Variants in CDH20 observed in about 807,000 individuals in gnomAD.
CDH20 encodes cadherin 20, also known as cadherin-20.
CDH20 carries 29 observed loss-of-function variants against 74.2 expected under a neutral mutation model. The ratio of observed to expected loss-of-function variants is 0.39; its 90% confidence interval spans 0.29 to 0.53. The LOEUF (loss-of-function observed/expected upper bound fraction) is 0.53. Ranked by LOEUF, CDH20 falls within the 20% of genes least tolerant of loss-of-function variation. The pLI is 0.69. For synonymous variants in CDH20, 469 were observed against 405.4 expected (o/e 1.16, Z -1.88); for missense variants, 988 against 1,048.3 (o/e 0.94, Z 0.79).
At chr18:61,553,728 C>T (rs188208350) in intron 11 of CDH20, among the ~76,000 whole-genome samples, 3 of 152,270 alleles carry the variant, frequency 2.0e-5, no homozygotes, top group African/African-American at 7.2e-5. Flanking sequence ...TATTAAGATG[C>T]TAATATACGG....
chr18:61,354,828 A>G (rs957994043), intron 1 of CDH20, among the ~76,000 whole-genome samples: 2 of 152,090 alleles, frequency 1.3e-5, no homozygotes, highest in African/African-American at 4.8e-5. Context: ...ATTCTATTCT[A>G]GGTTTGAGCT....
intron 1 of CDH20, among the ~76,000 whole-genome samples, chr18:61,391,409 A>G (rs1911775655): frequency 6.6e-6 from 1 of 152,208 alleles, no homozygotes; most frequent in South Asian, 2.1e-4. Flanking sequence ...GGCAACTAAT[A>G]TAAAATATCC....
In CDH20 at chr18:61,409,513, G is replaced by A. The variant is rs149359397; in HGVS notation, c.-153+75686G>A. On this transcript the variant is annotated intron_variant, in intron 1 of 11. Coordinates refer to ENST00000262717, the MANE Select transcript of CDH20 (RefSeq NM_031891.4). ...AGTGGCCCAGCCACTTGCCAGCTCT[G>A]TGACCTTAGGCAAGTTGTGTATGTC... is the stretch of plus-strand genomic sequence containing the variant. 3.9e-3 allele frequency among the ~76,000 whole-genome samples: 596 copies of A among 152,286 alleles called. 2 individuals carry two copies. Among genetic ancestry groups the A allele is most frequent in the African/African-American group, 0.014 (562 of 41,560 alleles).
chr18:61,427,567 C>T (rs1913113272), intron 1 of CDH20, among the ~76,000 whole-genome samples: 1 of 152,132 alleles, frequency 6.6e-6, no homozygotes, highest in African/African-American at 2.4e-5. Context: ...CATTTCCTAT[C>T]CTTCATAAAG....
intron 1 of CDH20, among the ~76,000 whole-genome samples, chr18:61,395,365 C>G (rs996608282): frequency 2.0e-5 from 3 of 152,156 alleles, no homozygotes; most frequent in Non-Finnish European, 4.4e-5. Context: ...ACTTGATAAG[C>G]ACTGAATAAA....
intron 1 of CDH20, among the ~76,000 whole-genome samples, chr18:61,474,130 G>A (rs1910284747): frequency 6.6e-6 from 1 of 152,070 alleles, no homozygotes. Context: ...TTCCTCCCCT[G>A]CAGTCTCTTG....
chr18:61,510,758 A>C (rs1911750264), intron 6 of CDH20, among the ~76,000 whole-genome samples: 1 of 152,208 alleles, frequency 6.6e-6, no homozygotes. Context: ...TAATTAAAAT[A>C]CTATAATTTC....
chr18:61,494,058 A>G (rs561945734), intron 2 of CDH20, among the ~76,000 whole-genome samples: 2 of 152,216 alleles, frequency 1.3e-5, no homozygotes, highest in Non-Finnish European at 2.9e-5. Flanking sequence ...TTTAATCATC[A>G]TAACAATGCT....
At chr18:61,529,046 T>C (rs909064230) in intron 7 of CDH20, among the ~76,000 whole-genome samples, 3 of 152,190 alleles carry the variant, frequency 2.0e-5, no homozygotes, top group Non-Finnish European at 4.4e-5. Flanking sequence ...AGATGAGAAC[T>C]GCTCTTACAG....
At chr18:61,546,219 A>C (rs1001452493) in intron 10 of CDH20, among the ~76,000 whole-genome samples, 2 of 152,210 alleles carry the variant, frequency 1.3e-5, no homozygotes, top group Admixed American at 6.5e-5. Flanking sequence ...GGTAACAAAA[A>C]GTCATGATTA....
In CDH20 at chr18:61,395,763, G is replaced by A. The variant is rs368552687; in HGVS notation, c.-153+61936G>A. On this transcript the variant is annotated intron_variant, in intron 1 of 11. Coordinates refer to ENST00000262717, the MANE Select transcript of CDH20 (RefSeq NM_031891.4). Reference sequence around the variant, plus strand: ...AAATTATATGACCTTGGCCAGGCGCGGTGGCTTATGCCTATAATCCCAGCA... The same window carrying A: ...AAATTATATGACCTTGGCCAGGCGCAGTGGCTTATGCCTATAATCCCAGCA... Among the ~76,000 whole-genome samples, 36 of 152,196 alleles carry A rather than the reference G, an allele frequency of 2.4e-4. No homozygotes were observed. In the East Asian group the frequency reaches 5.8e-3, roughly 25 times the overall value.
intron 1 of CDH20, among the ~76,000 whole-genome samples, chr18:61,369,082 A>C (rs570479154): frequency 3.3e-5 from 5 of 152,192 alleles, no homozygotes; most frequent in African/African-American, 1.2e-4. Context: ...GTTCAAACAA[A>C]CCACCAAGAG....
chr18:61,512,916 C>A (rs778668571), intron 6 of CDH20, among the ~76,000 whole-genome samples: 44 of 152,166 alleles, frequency 2.9e-4, no homozygotes, highest in Non-Finnish European at 4.3e-4. Context: ...GAGAGCTTTA[C>A]GGCCAACTAT....
chr18:61,445,849 C>T (rs1401072477), intron 1 of CDH20, among the ~76,000 whole-genome samples: 2 of 152,146 alleles, frequency 1.3e-5, no homozygotes, highest in African/African-American at 4.8e-5. Context: ...TGGGGCTGGT[C>T]AACCCAAGAT....
In CDH20 at chr18:61,490,408, A is replaced by G; in HGVS notation, c.-146A>G. On this transcript the variant is annotated 5_prime_UTR_variant, in exon 2 of 12. Transcript: ENST00000262717. ...GTTTTCCTTAACTTGACAGGAAGTC[A>G]ACTTCAAGCAGATTGACTTGAAACG... 1.3e-6 allele frequency: 1 copy of G among 767,518 alleles called. No homozygotes were observed. The highest frequency in any genetic ancestry group is 2.1e-6 in the Non-Finnish European group (1 of 474,062). 47.5% of individuals were successfully genotyped at this position (767,518 alleles called of 1,614,324 possible).
At chr18:61,538,602 G>GTTTT (rs1227502362) in intron 8 of CDH20, among the ~76,000 whole-genome samples, 2 of 50,450 alleles carry the variant, frequency 4.0e-5, no homozygotes, top group African/African-American at 7.3e-5. Context: ...GTTTGTTTTT[G>GTTTT]TTTTTGTTTT....
intron 1 of CDH20, among the ~76,000 whole-genome samples, chr18:61,458,936 TG>T (rs1909673847): frequency 6.6e-6 from 1 of 152,226 alleles, no homozygotes; most frequent in Admixed American, 6.5e-5. Context: ...CTGCAGTCCT[TG>T]TTTGTATTTA....
chr18:61,447,320 T>G (rs1339781475), intron 1 of CDH20, among the ~76,000 whole-genome samples: 1 of 152,206 alleles, frequency 6.6e-6, no homozygotes, highest in African/African-American at 2.4e-5. Flanking sequence ...GAATTCACAA[T>G]ACTGGAGGCA....
chr18:61,395,098 T>A (rs1236468266), intron 1 of CDH20, among the ~76,000 whole-genome samples: 1 of 151,970 alleles, frequency 6.6e-6, no homozygotes, highest in East Asian at 2.0e-4. Context: ...TTGCAAAACC[T>A]CCCACTTCTT....
Sources: allele counts gnomAD v4.1 joint callset (sites outside exome capture counted in the v4.1 genomes callset), GRCh38; gene constraint gnomAD v4.1.1; transcripts MANE v1.5; gene names NCBI Gene and HGNC (gene_info 2026-07-23, HGNC 2026-07-21).